The following CGNL1 variants were observed in gnomAD, a reference collection of about 807,000 sequenced individuals.
The protein encoded by CGNL1 is cingulin-like protein 1.
CGNL1 carries 132 observed loss-of-function variants against 141.2 expected under a neutral mutation model. That is an observed-to-expected ratio of 0.93 (90% CI 0.81 to 1.08). CGNL1 has a LOEUF of 1.08. Among genes scored for constraint, CGNL1 ranks in the 50% least tolerant of loss-of-function variants. The pLI is 0.00. For synonymous variants in CGNL1, 690 were observed against 622.1 expected (o/e 1.11, Z -1.63); for missense variants, 1,870 against 1,588.6 (o/e 1.18, Z -3.01).
Position 57,438,375 on chromosome 15 carries a change from A to G in CGNL1, c.376A>G (p.Lys126Glu), listed in dbSNP as rs753930634. The G allele has an allele frequency of 6.2e-7, 1 of 1,614,216 alleles. No homozygotes were observed. The highest frequency in any genetic ancestry group is 8.5e-7 in the Non-Finnish European group (1 of 1,180,040). The change falls in exon 2 of 19, where the codon AAG (lysine) becomes GAG (glutamate). Residue 126 changes from lysine (K) to glutamate (E), a missense_variant. Coordinates refer to ENST00000281282, the MANE Select transcript of CGNL1 (RefSeq NM_032866.5). ...GAAACAGCCCCTGCTCCATGAGGGC[A>G]AGAATGGAGTTCTAGATCGCAAAGA... ...NLKQPLLHEG[K>E]NGVLDRKDGS...
intron 12 of CGNL1, among the ~76,000 whole-genome samples, chr15:57,528,030 G>A (rs1424660823): frequency 1.3e-5 from 2 of 152,204 alleles, no homozygotes; most frequent in Admixed American, 6.5e-5. Context: ...AGACTGAGGC[G>A]GGCATCACCT....
At chr15:57,387,522 G>A (rs540192743) in intron 1 of CGNL1, among the ~76,000 whole-genome samples, 1 of 152,108 alleles carries the variant, frequency 6.6e-6, no homozygotes, top group Non-Finnish European at 1.5e-5. Context: ...GTCTTATTAG[G>A]TATCTTACTT....
chr15:57,416,558 G>C (rs531213525), intron 1 of CGNL1, among the ~76,000 whole-genome samples: 14 of 152,208 alleles, frequency 9.2e-5, no homozygotes, highest in African/African-American at 2.6e-4. Context: ...CAGCCATCTT[G>C]CTTCTGTTTT....
Position 57,547,713 on chromosome 15 carries a change from G to C in CGNL1, c.*223G>C. ...ATGTTGGGATGCCTGAGGACCAGGA[G>C]CCACCACCCACTGGGGTGTTGTGAG... On this transcript the variant is annotated 3_prime_UTR_variant, in exon 19 of 19. Coordinates refer to ENST00000281282, the MANE Select transcript of CGNL1 (RefSeq NM_032866.5). 3 of 503,616 alleles carry C rather than the reference G, an allele frequency of 6.0e-6. No individual in the cohort carries two copies. Among genetic ancestry groups the C allele is most frequent in the Non-Finnish European group, 1.0e-5 (3 of 288,562 alleles). The allele number at this position is 503,616 out of a possible 1,614,324, so 31.2% of individuals were successfully genotyped here.
Position 57,456,391 on chromosome 15 carries a change from C to T in CGNL1, c.2190+2573C>T, listed in dbSNP as rs578013953. ...CACTTTTTGTTAAATAACATCAGACCCCTGTATGCAGTCAGTAAAGTAACA... is the reference window on the plus strand; with the variant it reads ...CACTTTTTGTTAAATAACATCAGACTCCTGTATGCAGTCAGTAAAGTAACA... On this transcript the variant is annotated intron_variant, in intron 7 of 18. Transcript: ENST00000281282. Among the ~76,000 whole-genome samples, 5 of 151,746 alleles carry T rather than the reference C, an allele frequency of 3.3e-5. No homozygotes were observed. In the East Asian group the frequency reaches 9.7e-4, roughly 29 times the overall value.
At chr15:57,512,964 C>T (rs568196425) in intron 8 of CGNL1, among the ~76,000 whole-genome samples, 1 of 151,074 alleles carries the variant, frequency 6.6e-6, no homozygotes, top group East Asian at 1.9e-4. Context: ...TTTTTTTAAA[C>T]AGCTGTATTA....
At chr15:57,483,096 A>G (rs948532087) in intron 8 of CGNL1, among the ~76,000 whole-genome samples, 4 of 152,110 alleles carry the variant, frequency 2.6e-5, no homozygotes, top group African/African-American at 7.2e-5. Context: ...CTACCTTTTC[A>G]TATAAATGTT....
chr15:57,391,274 T>C (rs368750701), intron 1 of CGNL1, among the ~76,000 whole-genome samples: 25 of 152,332 alleles, frequency 1.6e-4, no homozygotes, highest in African/African-American at 5.8e-4. Context: ...GAAGAAGCCA[T>C]GTGAGCCTCG....
chr15:57,535,911 C>G (rs888854150), intron 14 of CGNL1, among the ~76,000 whole-genome samples: 3 of 152,186 alleles, frequency 2.0e-5, no homozygotes, highest in South Asian at 4.1e-4. Context: ...CTTTCTTTCT[C>G]TTATGCATAC....
chr15:57,378,092 C>T (rs2062384722), intron 1 of CGNL1, among the ~76,000 whole-genome samples: 2 of 152,162 alleles, frequency 1.3e-5, no homozygotes, highest in Non-Finnish European at 2.9e-5. Context: ...GAGATGACAC[C>T]TGAGACACCT....
At chr15:57,448,161 AT>A (rs1406086538) in intron 4 of CGNL1, among the ~76,000 whole-genome samples, 1 of 152,038 alleles carries the variant, frequency 6.6e-6, no homozygotes, top group African/African-American at 2.4e-5. Flanking sequence ...ATATTTAAAA[AT>A]TGCCAGGCAT....
chr15:57,459,613 T>C (rs1053364443), intron 7 of CGNL1, among the ~76,000 whole-genome samples: 6 of 152,118 alleles, frequency 3.9e-5, no homozygotes, highest in African/African-American at 1.4e-4. Context: ...AGAGCCTGGA[T>C]GCGGGGAGCA....
intron 8 of CGNL1, among the ~76,000 whole-genome samples, chr15:57,473,674 A>G (rs1231134571): frequency 6.6e-6 from 1 of 152,086 alleles, no homozygotes; most frequent in African/African-American, 2.4e-5. Context: ...GCCAGCTGCC[A>G]TGTTGTAAGT....
chr15:57,391,607 T>C (rs561997143), intron 1 of CGNL1, among the ~76,000 whole-genome samples: 11 of 152,218 alleles, frequency 7.2e-5, no homozygotes, highest in African/African-American at 2.6e-4. Flanking sequence ...TTGAAGGTGG[T>C]TTACATAAGA....
At chr15:57,395,251 T>G (rs1235324298) in intron 1 of CGNL1, among the ~76,000 whole-genome samples, 2 of 152,030 alleles carry the variant, frequency 1.3e-5, no homozygotes, top group Non-Finnish European at 2.9e-5. Flanking sequence ...CTCTTCTGTT[T>G]CCTTAGGGAA....
At chr15:57,402,257 GC>G (rs1262608113) in intron 1 of CGNL1, among the ~76,000 whole-genome samples, 3 of 152,100 alleles carry the variant, frequency 2.0e-5, no homozygotes, top group African/African-American at 7.2e-5. Context: ...AAAGGGTCTG[GC>G]ACCTCTGTTG....
rs564811196 is a variant in CGNL1, at chr15:57,379,579, T to C, written c.-16+3012T>C. On this transcript the variant is annotated intron_variant, in intron 1 of 18. Transcript: ENST00000281282. ...AAACCCATTTATCTAAGAGATGCCA[T>C]TGGCCTTTTAAAAATATCCAACTGA... is the stretch of plus-strand genomic sequence containing the variant. Among the ~76,000 whole-genome samples, 5 of 152,324 alleles carry C rather than the reference T, an allele frequency of 3.3e-5. No homozygotes were observed. The East Asian group carries it at 7.7e-4, about 24-fold the overall frequency.
At chr15:57,519,205 A>G (rs7165557) in intron 10 of CGNL1, among the ~76,000 whole-genome samples, 49,230 of 152,014 alleles carry the variant, frequency 0.32, 7,994 homozygotes, top group African/African-American at 0.36. Flanking sequence ...TCCTTCTCCT[A>G]TTGGCTCTCG....
intron 8 of CGNL1, among the ~76,000 whole-genome samples, chr15:57,472,540 G>T (rs971856617): frequency 2.0e-5 from 3 of 152,122 alleles, no homozygotes; most frequent in Non-Finnish European, 2.9e-5. Flanking sequence ...GAGGTGGGAG[G>T]CCCTGGGATG....
Sources: gnomAD v4.1 joint callset for allele counts (sites outside exome capture counted in the v4.1 genomes callset) on GRCh38, gnomAD v4.1.1 for gene constraint, MANE v1.5 for transcripts, NCBI Gene and HGNC (gene_info 2026-07-23, HGNC 2026-07-21) for gene names.